UGT1A3: variants seen among roughly 807,000 people sequenced by gnomAD.
UGT1A3 encodes UDP glucuronosyltransferase family 1 member A3, also known as UDP-glucuronosyltransferase 1A3.
A neutral mutation model predicts 41.0 loss-of-function variants in UGT1A3; 31 were observed. The observed-to-expected ratio is 0.76, with a 90% CI of 0.57 to 1.02. UGT1A3 has a LOEUF of 1.02. Among genes scored for constraint, UGT1A3 ranks in the 50% least tolerant of loss-of-function variants. The pLI is 0.00. For synonymous variants in UGT1A3, 262 were observed against 257.6 expected, an observed-to-expected ratio of 1.02 and a Z score of -0.17; for missense variants, 737 against 671.0, an observed-to-expected ratio of 1.10 and a Z score of -1.09.
chr2:233,768,836 G>A (rs543894216), intron 4 of UGT1A3, among the ~76,000 whole-genome samples: 3 of 151,834 alleles, frequency 2.0e-5, no homozygotes, highest in African/African-American at 7.3e-5. Flanking sequence ...CACCTGCCTC[G>A]GCCTGCCAAA....
intron 1 of UGT1A3, among the ~76,000 whole-genome samples, chr2:233,756,874 G>A (rs1221596581): frequency 3.9e-5 from 6 of 152,098 alleles, no homozygotes; most frequent in Non-Finnish European, 7.3e-5. Context: ...GGTATTAGGT[G>A]TAATGAGGAT....
At position 233,729,748 on chromosome 2, in the gene UGT1A3, A is replaced by C. The variant is rs140766748; in HGVS notation, c.622A>C (p.Met208Leu). 4.5e-4 allele frequency: 721 copies of C among 1,613,992 alleles called. 2 individuals carry two copies. The highest frequency in any genetic ancestry group is 1.8e-3 in the South Asian group (167 of 91,072). ...LTTNSDHMTFMQRVKNMLYPL... is the reference protein window; with the variant it reads ...LTTNSDHMTFLQRVKNMLYPL... Reference sequence around the variant, plus strand: ...AACCAATTCAGACCACATGACATTCATGCAAAGGGTCAAGAACATGCTCTA... The same window carrying C: ...AACCAATTCAGACCACATGACATTCCTGCAAAGGGTCAAGAACATGCTCTA... Residue 208 changes from methionine to leucine, a missense_variant, in exon 1 of 5, where the codon ATG becomes CTG. Coordinates refer to ENST00000482026, the MANE Select transcript of UGT1A3 (RefSeq NM_019093.4).
At position 233,772,830 on chromosome 2, in the gene UGT1A3, T is replaced by G; in HGVS notation, c.*271T>G. ...CAGAGGACGTGCAGACAGGCTGGCA[T>G]TCTAGATTACTTTTCTTACTCTGAA... On this transcript the variant is annotated 3_prime_UTR_variant, in exon 5 of 5. Transcript: ENST00000482026. 8.7e-6 allele frequency: 8 copies of G among 916,310 alleles called. No homozygotes were observed. Among genetic ancestry groups the G allele is most frequent in the Non-Finnish European group, 1.2e-5 (8 of 660,510 alleles). 56.8% of individuals were successfully genotyped at this position (916,310 alleles called of 1,614,324 possible).
intron 1 of UGT1A3, among the ~76,000 whole-genome samples, chr2:233,761,373 T>G (rs1041958865): frequency 6.6e-6 from 1 of 152,254 alleles, no homozygotes; most frequent in Middle Eastern, 3.2e-3. Context: ...TTGGACATTT[T>G]ACTCTGTGTG....
In UGT1A3 at chr2:233,769,479, G is replaced by A; in HGVS notation, c.1307+1040G>A. The A allele has an allele frequency of 6.2e-7, 1 of 1,611,314 alleles. No homozygotes were observed. The highest frequency in any genetic ancestry group is 8.5e-7 in the Non-Finnish European group (1 of 1,178,748). ...CATTCATATGCGTGTGTGTGTGTGT[G>A]CGTGTGTTTATGAGAGTGTCCATTG... is the stretch of plus-strand genomic sequence containing the variant. On this transcript the variant is annotated intron_variant, in intron 4 of 4. Coordinates refer to ENST00000482026, the MANE Select transcript of UGT1A3 (RefSeq NM_019093.4). This position sits in a 1 kb window ranked among gnomAD's most constrained non-coding sequence, Gnocchi z 4.4.
rs985684086 is a variant in UGT1A3 at position 233,766,924 on chromosome 2, A to C, written c.868-110A>C. 8.4e-5 allele frequency: 132 copies of C among 1,565,450 alleles called. 1 individual carries two copies. In the Middle Eastern group the frequency reaches 1.0e-3, roughly 12 times the overall value. ...ATTTTTTACTCTATCTCAAACACGCATGCCTTTAATCATAGTCTTAAGAGG... is the reference window on the plus strand; with the variant it reads ...ATTTTTTACTCTATCTCAAACACGCCTGCCTTTAATCATAGTCTTAAGAGG... On this transcript the variant is annotated intron_variant, in intron 1 of 4. Coordinates refer to ENST00000482026, the MANE Select transcript of UGT1A3 (RefSeq NM_019093.4).
intron 1 of UGT1A3, among the ~76,000 whole-genome samples, chr2:233,745,982 A>G (rs1693272661): frequency 2.0e-5 from 3 of 151,698 alleles, no homozygotes; most frequent in South Asian, 2.1e-4. Flanking sequence ...TGGGACCATG[A>G]CAGCTGGGTC....
In UGT1A3 at chr2:233,747,168, G is replaced by C. The variant is rs1693578395; in HGVS notation, c.867+17175G>C. 4 of 1,593,782 alleles carry C rather than the reference G, an allele frequency of 2.5e-6. No homozygotes were observed. The South Asian group carries it at 4.5e-5, about 18-fold the overall frequency. On this transcript the variant is annotated intron_variant, in intron 1 of 4. Coordinates refer to ENST00000482026, the MANE Select transcript of UGT1A3 (RefSeq NM_019093.4). ...TAAGATGAAGAAAACAAATGTAGGA[G>C]GCACAGCGTGGGGTGGACAGTCAGC...
chr2:233,757,044 A>T (rs1411336170), intron 1 of UGT1A3, among the ~76,000 whole-genome samples: 1 of 151,696 alleles, frequency 6.6e-6, no homozygotes, highest in Non-Finnish European at 1.5e-5. Flanking sequence ...CATCAAAGGA[A>T]GTTTGGGGAA....
rs768704616 is a variant in UGT1A3 at position 233,772,137 on chromosome 2, T to G, written c.1308-125T>G. On this transcript the variant is annotated intron_variant, in intron 4 of 4. Transcript: ENST00000482026. Reference sequence around the variant, plus strand: ...CTAAAAACAACAACAACAACAATAATAGAAACAGGTTTCCTTTCCCAAGTT... The same window carrying G: ...CTAAAAACAACAACAACAACAATAAGAGAAACAGGTTTCCTTTCCCAAGTT... 6.0e-5 allele frequency: 93 copies of G among 1,547,684 alleles called. 1 individual carries two copies. The highest frequency in any genetic ancestry group is 4.6e-4 in the Middle Eastern group (2 of 4,368).
chr2:233,757,543 T>C (rs1575752289), intron 1 of UGT1A3, among the ~76,000 whole-genome samples: 1 of 117,334 alleles, frequency 8.5e-6, no homozygotes, highest in African/African-American at 3.6e-5. Context: ...GGAATATATA[T>C]ATATATATAT....
At chr2:233,754,832 T>G (rs773754133) in intron 1 of UGT1A3, 4 of 1,342,732 alleles carry the variant, frequency 3.0e-6, no homozygotes, top group Non-Finnish European at 4.0e-6. Context: ...AAGCTGGAAA[T>G]TCACTGAAGG....
At chr2:233,745,472 G>T (rs1454081365) in intron 1 of UGT1A3, among the ~76,000 whole-genome samples, 5 of 151,704 alleles carry the variant, frequency 3.3e-5, no homozygotes, top group Non-Finnish European at 7.4e-5. Flanking sequence ...AGGGGAAAAT[G>T]ATTAACCAAA....
At chr2:233,730,637 G>A (rs2078055755) in intron 1 of UGT1A3, among the ~76,000 whole-genome samples, 1 of 152,192 alleles carries the variant, frequency 6.6e-6, no homozygotes, top group African/African-American at 2.4e-5. Flanking sequence ...TCTGGTGCAT[G>A]ATGTGGGGAC....
At chr2:233,745,413 T>G (rs902285196) in intron 1 of UGT1A3, among the ~76,000 whole-genome samples, 5 of 151,802 alleles carry the variant, frequency 3.3e-5, no homozygotes, top group East Asian at 3.8e-4. Flanking sequence ...TGGATTCTTT[T>G]CTTTGATAAA....
At chr2:233,747,507 C>G in intron 1 of UGT1A3, 1 of 1,608,136 alleles carries the variant, frequency 6.2e-7, no homozygotes. Flanking sequence ...CCACACTCAA[C>G]TGTACTTTGA....
At chr2:233,747,229 C>A in intron 1 of UGT1A3, 1 of 1,605,300 alleles carries the variant, frequency 6.2e-7, no homozygotes, top group Non-Finnish European at 8.5e-7. Flanking sequence ...CACAGGACCC[C>A]AGGTTCCCCT....
chr2:233,741,051 T>G (rs1437462730), intron 1 of UGT1A3, among the ~76,000 whole-genome samples: 1 of 151,772 alleles, frequency 6.6e-6, no homozygotes, highest in Non-Finnish European at 1.5e-5. Context: ...CTTGCCTAGG[T>G]AACAGCTACA....
chr2:233,743,752 C>A, intron 1 of UGT1A3: 1 of 1,367,386 alleles, frequency 7.3e-7, no homozygotes, highest in Non-Finnish European at 9.8e-7. Context: ...CGTCCGACAA[C>A]ACCTCGTAGG....
Sources: allele counts gnomAD v4.1 joint callset (sites outside exome capture counted in the v4.1 genomes callset), GRCh38; gene constraint gnomAD v4.1.1; non-coding constraint Gnocchi (gnomAD v3.1); transcripts MANE v1.5; gene names NCBI Gene and HGNC (gene_info 2026-07-23, HGNC 2026-07-21).